SIM1: variants seen among roughly 807,000 people sequenced by gnomAD.
SIM1 encodes single-minded homolog 1.
SIM1 carries 18 observed loss-of-function variants against 78.2 expected under a neutral mutation model. The ratio of observed to expected loss-of-function variants is 0.23; its 90% CI spans 0.16 to 0.34. The LOEUF (loss-of-function observed/expected upper bound fraction) is 0.34, where lower values mean the gene tolerates loss of function less well. Among genes scored for constraint, SIM1 ranks in the 10% least tolerant of loss-of-function variants. The pLI, the probability that SIM1 is intolerant of heterozygous loss-of-function variation, is 1.00. For synonymous variants in SIM1, 417 were observed against 385.2 expected (o/e 1.08, Z -0.97); for missense variants, 939 against 975.1 (o/e 0.96, Z 0.49).
Position 100,458,006 on chromosome 6 carries a change from TTCTCTCTCTCTCTCTCTCTCTC to T in SIM1, c.176-4184_176-4163del, listed in dbSNP as rs71028024. ...GTCACACCGCTGTCTGTCTCTCTCTTTCTCTCTCTCTCTCTCTCTCTCTCTCTCTCTCTCTCTCTCTCTCTCT... is the reference window on the plus strand; with the variant it reads ...GTCACACCGCTGTCTGTCTCTCTCTTTCTCTCTCTCTCTCTCTCTCTCTCT... On this transcript the variant is annotated intron_variant, in intron 2 of 11. Coordinates refer to ENST00000369208, the MANE Select transcript of SIM1 (RefSeq NM_005068.3). 8.2e-3 allele frequency among the ~76,000 whole-genome samples: 741 copies of T among 90,262 alleles called. 12 individuals are homozygous for T. The highest frequency in any genetic ancestry group is 0.022 in the African/African-American group (539 of 24,048). The allele number at this position is 90,262 out of a possible 152,430, so 59.2% of individuals were successfully genotyped here. A position where few individuals can be genotyped will look rare whatever the true frequency, so the allele number is the denominator to read the frequency against.
At chr6:100,436,707 GT>G (rs1395758121) in intron 9 of SIM1, among the ~76,000 whole-genome samples, 5 of 149,540 alleles carry the variant, frequency 3.3e-5, no homozygotes, top group South Asian at 2.1e-4. Context: ...TGTTGTCGTT[GT>G]TTTTTGTATT....
Position 100,463,606 on chromosome 6 carries a change from C to G in SIM1, c.-138G>C, listed in dbSNP as rs1232286352. 1.3e-6 allele frequency: 1 copy of G among 795,110 alleles called. No individual in the cohort carries two copies. Among genetic ancestry groups the G allele is most frequent in the African/African-American group, 1.7e-5 (1 of 58,160 alleles). The allele number at this position is 795,110 out of a possible 1,614,324, so 49.3% of individuals were successfully genotyped here. ...AATAAAGAGGCTGAAGTATTTGCAC[C>G]AAGAACAGTGTATTGATGGCAGTAA... On this transcript the variant is annotated 5_prime_UTR_variant, in exon 2 of 12. Transcript: ENST00000369208.
At chr6:100,447,169 T>C (rs1772376808) in intron 9 of SIM1, 99 bp downstream of exon 9, 1 of 1,391,486 alleles carries the variant, frequency 7.2e-7, no homozygotes, top group Non-Finnish European at 9.8e-7. Flanking sequence ...GCATTCCCCG[T>C]GGCCCGAGCC....
chr6:100,448,429 C>T (rs765705820), intron 7 of SIM1, 50 bp downstream of exon 7: 2 of 1,573,072 alleles, frequency 1.3e-6, no homozygotes, highest in East Asian at 4.6e-5. Context: ...AGTCACTAAG[C>T]AGGGCCGCCC....
At chr6:100,464,313 C>T (rs1772934917) in intron 1 of SIM1, among the ~76,000 whole-genome samples, 1 of 152,226 alleles carries the variant, frequency 6.6e-6, no homozygotes, top group South Asian at 2.1e-4. Context: ...CCTTTCAGCT[C>T]CCTACCTTGG....
intron 10 of SIM1, among the ~76,000 whole-genome samples, chr6:100,412,645 GAAA>G (rs2114491801): frequency 1.0e-5 from 1 of 98,018 alleles, no homozygotes; most frequent in African/African-American, 4.0e-5. Flanking sequence ...AGAAAAGAAA[GAAA>G]GAAAGAAAGA....
At chr6:100,399,040 T>C (rs974748521) in intron 10 of SIM1, among the ~76,000 whole-genome samples, 28 of 152,034 alleles carry the variant, frequency 1.8e-4, no homozygotes, top group African/African-American at 6.8e-4. Flanking sequence ...ATTTCTCTAA[T>C]GATTAGTGAT....
intron 10 of SIM1, among the ~76,000 whole-genome samples, chr6:100,398,933 TTGTGTGTGTGTG>T (rs370296648): frequency 2.0e-5 from 3 of 146,962 alleles, no homozygotes; most frequent in Non-Finnish European, 4.5e-5. Context: ...ACACTTGTTA[TTGTGTGTGTGTG>T]TGTGTGTGTG....
intron 6 of SIM1, 71 bp downstream of exon 6, chr6:100,449,292 C>T (rs940883386): frequency 1.4e-5 from 18 of 1,318,840 alleles, no homozygotes; most frequent in Non-Finnish European, 2.0e-5. Flanking sequence ...AGGGACATTC[C>T]TCCCACGCCG....
At chr6:100,420,508 A>G (rs960099822) in intron 10 of SIM1, among the ~76,000 whole-genome samples, 4 of 152,148 alleles carry the variant, frequency 2.6e-5, no homozygotes, top group African/African-American at 9.7e-5. Flanking sequence ...TGGGAGGGAA[A>G]TTCAGGATCA....
intron 2 of SIM1, among the ~76,000 whole-genome samples, chr6:100,458,979 C>T (rs1226943265): frequency 1.3e-5 from 2 of 152,318 alleles, no homozygotes; most frequent in East Asian, 1.9e-4. Flanking sequence ...AAGGTACAAG[C>T]CTCATTTTCC....
At chr6:100,420,697 T>G in intron 10 of SIM1, 93 bp downstream of exon 10, 2 of 1,232,214 alleles carry the variant, frequency 1.6e-6, no homozygotes, top group Non-Finnish European at 2.4e-6. Flanking sequence ...TAAAACTAGA[T>G]AATTCATTCC....
At chr6:100,456,503 G>A (rs1157918320) in intron 2 of SIM1, among the ~76,000 whole-genome samples, 2 of 152,226 alleles carry the variant, frequency 1.3e-5, no homozygotes, top group Non-Finnish European at 2.9e-5. Flanking sequence ...GAGGGAACGG[G>A]GTTTTGCAAA....
At position 100,390,580 on chromosome 6, in the gene SIM1, G is replaced by A. The variant is rs1770611330; in HGVS notation, c.2082C>T (p.Val694=). Reference sequence around the variant, plus strand: ...GGTGAGAGCCAAAGCAGTTTGGAGAGACAGTAGGGTGGTCTCCTGCTGTCT... The same window carrying A: ...GGTGAGAGCCAAAGCAGTTTGGAGAAACAGTAGGGTGGTCTCCTGCTGTCT... ...PHQTAGDHPT[V]SPNCFGSHRQ... The change falls in exon 12 of 12, where the codon GTC becomes GTT. Residue 694 remains valine (V), a synonymous_variant. Transcript: ENST00000369208. The A allele has an allele frequency of 6.2e-7, 1 of 1,614,098 alleles. No individual in the cohort carries two copies. The highest frequency in any genetic ancestry group is 2.2e-5 in the East Asian group (1 of 44,902).
chr6:100,454,939 C>A (rs1772608882), intron 2 of SIM1, among the ~76,000 whole-genome samples: 1 of 152,110 alleles, frequency 6.6e-6, no homozygotes, highest in Non-Finnish European at 1.5e-5. Context: ...ATCCTTTTAT[C>A]CTTACACCAT....
chr6:100,458,621 G>A (rs950415150), intron 2 of SIM1, among the ~76,000 whole-genome samples: 1 of 152,216 alleles, frequency 6.6e-6, no homozygotes, highest in African/African-American at 2.4e-5. Flanking sequence ...CTGAGGCCAC[G>A]AGCTAGGCCC....
chr6:100,460,700 T>C (rs946870273), intron 2 of SIM1, among the ~76,000 whole-genome samples: 1 of 152,228 alleles, frequency 6.6e-6, no homozygotes, highest in Non-Finnish European at 1.5e-5. Flanking sequence ...ACCCCAATCT[T>C]GTTTGCTCTC....
At chr6:100,446,361 TAAAC>T (rs1306814726) in intron 9 of SIM1, among the ~76,000 whole-genome samples, 13 of 152,090 alleles carry the variant, frequency 8.5e-5, no homozygotes. Context: ...GCTTCCAAAG[TAAAC>T]AACCCATGAG....
At chr6:100,456,857 G>A (rs1436146787) in intron 2 of SIM1, among the ~76,000 whole-genome samples, 1 of 152,094 alleles carries the variant, frequency 6.6e-6, no homozygotes, top group Non-Finnish European at 1.5e-5. Context: ...CCTGACCCAA[G>A]GATTACCTCA....
Sources: gnomAD v4.1 joint callset for allele counts (sites outside exome capture counted in the v4.1 genomes callset) on GRCh38, gnomAD v4.1.1 for gene constraint, MANE v1.5 for transcripts, NCBI Gene and HGNC (gene_info 2026-07-23, HGNC 2026-07-21) for gene names.